Variants in CARS2 observed in about 807,000 individuals in gnomAD.
CARS2 encodes cysteinyl-tRNA synthetase 2, mitochondrial, also known as probable cysteine--tRNA ligase, mitochondrial.
A neutral mutation model predicts 68.8 loss-of-function variants in CARS2; 52 were observed. That is an observed-to-expected ratio of 0.76 (90% CI 0.61 to 0.95). CARS2 has a LOEUF of 0.95. Among genes scored for constraint, CARS2 ranks in the 40% least tolerant of loss-of-function variants. The pLI, the probability that CARS2 is intolerant of heterozygous loss-of-function variation, is 0.00. For synonymous variants in CARS2, 314 were observed against 303.6 expected (o/e 1.03, Z -0.36); for missense variants, 780 against 754.2 (o/e 1.03, Z -0.40).
chr13:110,706,152 G>T, upstream of CARS2: 1 of 1,209,694 alleles, frequency 8.3e-7, no homozygotes, highest in Non-Finnish European at 1.0e-6. Flanking sequence ...TACGCTGCCG[G>T]TCGCTCAAGA....
chr13:110,710,131 A>G (rs1329250415), upstream of CARS2, among the ~76,000 whole-genome samples: 2 of 152,234 alleles, frequency 1.3e-5, no homozygotes, highest in Non-Finnish European at 2.9e-5. Flanking sequence ...CTGTAATCCC[A>G]GCACTTTGGG....
intron 11 of CARS2, 173 bp downstream of exon 11, chr13:110,646,928 C>T (rs1211770882): frequency 1.6e-5 from 12 of 732,444 alleles, no homozygotes; most frequent in Admixed American, 3.0e-5. Context: ...CCCACACCTG[C>T]ACCTCCTGCC....
chr13:110,673,534 C>T (rs2062861194), intron 7 of CARS2, among the ~76,000 whole-genome samples: 1 of 152,190 alleles, frequency 6.6e-6, no homozygotes, highest in Non-Finnish European at 1.5e-5. Flanking sequence ...TAAAAAGTCT[C>T]AATAAACTAG....
At chr13:110,646,428 C>T (rs1888125799) in intron 11 of CARS2, 1 of 187,402 alleles carries the variant, frequency 5.3e-6, no homozygotes, top group African/African-American at 2.4e-5. Context: ...GCACGGCTGA[C>T]CACTCACAAA....
rs555165626 is a variant in CARS2 at position 110,665,541 on chromosome 13, G to A, written c.919+1799C>T. On this transcript the variant is annotated intron_variant, in intron 8 of 14. Transcript: ENST00000257347. This position sits in a 1 kb window ranked among gnomAD's most constrained non-coding sequence, Gnocchi z 4.3. ...CCTCCTCATTACCTGACAGGACGAA[G>A]CGTTGGCACAGCTAAGGCTGCCCTT... is the stretch of plus-strand genomic sequence containing the variant. 1.6e-5 allele frequency: 16 copies of A among 985,502 alleles called. No homozygotes were observed. In the South Asian group the frequency reaches 7.0e-4, roughly 43 times the overall value. The allele number at this position is 985,502 out of a possible 1,614,324, so 61.0% of individuals were successfully genotyped here.
chr13:110,681,548 G>C (rs1454003419), intron 6 of CARS2, among the ~76,000 whole-genome samples: 1 of 152,176 alleles, frequency 6.6e-6, no homozygotes, highest in Admixed American at 6.5e-5. Flanking sequence ...GGCAGTTTCT[G>C]ACACAAATAA....
intron 6 of CARS2, among the ~76,000 whole-genome samples, chr13:110,679,661 A>AGGGG (rs1566713004): frequency 2.7e-5 from 1 of 36,796 alleles, no homozygotes; most frequent in Non-Finnish European, 5.1e-5. Context: ...GGAGGGAGGG[A>AGGGG]GGGAGGGAGG....
At chr13:110,708,953 C>G (rs2064004616), upstream of CARS2, among the ~76,000 whole-genome samples, 1 of 152,002 alleles carries the variant, frequency 6.6e-6, no homozygotes, top group Admixed American at 6.6e-5. Context: ...GGGGTTTCAT[C>G]ATGTTGGCCA....
rs369072375 is a variant in CARS2, at chr13:110,669,803, T to C, written c.786-2330A>G. 9.2e-5 allele frequency among the ~76,000 whole-genome samples: 14 copies of C among 152,226 alleles called. No individual in the cohort carries two copies. The East Asian group carries it at 1.7e-3, about 19-fold the overall frequency. Reference sequence around the variant, plus strand: ...AGTGTGAGGGGTCGGGGAATTCCCTTTCCTAGCCAAGGGAAGCTGTGACAG... The same window carrying C: ...AGTGTGAGGGGTCGGGGAATTCCCTCTCCTAGCCAAGGGAAGCTGTGACAG... On this transcript the variant is annotated intron_variant, in intron 7 of 14. Coordinates refer to ENST00000257347, the MANE Select transcript of CARS2 (RefSeq NM_024537.4).
chr13:110,672,824 C>T (rs1261413288), intron 7 of CARS2, among the ~76,000 whole-genome samples: 1 of 152,038 alleles, frequency 6.6e-6, no homozygotes, highest in Non-Finnish European at 1.5e-5. Flanking sequence ...GCTAGCAAGA[C>T]TAATAAAGAA....
In CARS2 at chr13:110,668,064, C is replaced by A. The variant is rs544448292; in HGVS notation, c.786-591G>T. Among the ~76,000 whole-genome samples the A allele has an allele frequency of 2.0e-5, 3 of 152,352 alleles. No individual in the cohort carries two copies. Among genetic ancestry groups the A allele is most frequent in the Non-Finnish European group, 4.4e-5 (3 of 68,034 alleles). ...GACCAGCTGCAGAAGCATGGCGACG[C>A]AGCAGGCCGGTGGATTTTCTTAAAA... On this transcript the variant is annotated intron_variant, in intron 7 of 14. Transcript: ENST00000257347. This position sits in a 1 kb window ranked among gnomAD's most constrained non-coding sequence, Gnocchi z 4.1.
chr13:110,711,830 T>C (rs532924093), intron 1 of CARS2, among the ~76,000 whole-genome samples: 4 of 152,314 alleles, frequency 2.6e-5, no homozygotes, highest in South Asian at 2.1e-4. Flanking sequence ...CTCACATCCA[T>C]AGCACAAAAT....
intron 8 of CARS2, chr13:110,666,579 G>A: frequency 5.1e-6 from 5 of 985,392 alleles, no homozygotes; most frequent in Non-Finnish European, 6.0e-6. Context: ...AGAAACCCAA[G>A]TGAACTCTGC....
Position 110,667,537 on chromosome 13 carries a change from G to A in CARS2, c.786-64C>T, listed in dbSNP as rs9521884. The stretch of plus-strand genomic sequence containing the variant: ...AAGCAACATATTTTCTTCTAACCTC[G>A]TCTATTTATTCCTTCCAGCCTTTTT... On this transcript the variant is annotated intron_variant, in intron 7 of 14. Coordinates refer to ENST00000257347, the MANE Select transcript of CARS2 (RefSeq NM_024537.4). The A allele has an allele frequency of 0.61, 901,320 of 1,471,066 alleles. 280,975 individuals are homozygous for A. The highest frequency in any genetic ancestry group is 0.65 in the Non-Finnish European group (695,765 of 1,074,618). 91.1% of individuals were successfully genotyped at this position (1,471,066 alleles called of 1,614,324 possible).
At position 110,687,865 on chromosome 13, in the gene CARS2, A is replaced by C. The variant is rs375462965; in HGVS notation, c.466-39T>G. On this transcript the variant is annotated intron_variant, in intron 4 of 14. Transcript: ENST00000257347. ...GAGACGTGACCGTGTTTCCCTCGTG[A>C]GAAGCACAGGTCAGCCAGCACCAGC... is the stretch of plus-strand genomic sequence containing the variant. The C allele has an allele frequency of 3.2e-6, 5 of 1,562,254 alleles. No individual in the cohort carries two copies. The African/African-American group carries it at 5.4e-5, about 17-fold the overall frequency.
intron 9 of CARS2, among the ~76,000 whole-genome samples, chr13:110,654,942 G>GAAAAAAAAA (rs1555345847): frequency 1.0e-5 from 1 of 99,700 alleles, no homozygotes; most frequent in African/African-American, 5.0e-5. Context: ...AAAAGAAAAA[G>GAAAAAAAAA]AAAAAAAAAG....
At chr13:110,685,055 T>G (rs1439285925) in intron 5 of CARS2, among the ~76,000 whole-genome samples, 1 of 152,212 alleles carries the variant, frequency 6.6e-6, no homozygotes, top group Non-Finnish European at 1.5e-5. Flanking sequence ...CCCTAAAGAC[T>G]CGTGAACATT....
chr13:110,651,956 G>A (rs1353503667), intron 9 of CARS2, among the ~76,000 whole-genome samples: 8 of 152,206 alleles, frequency 5.3e-5, no homozygotes, highest in African/African-American at 1.4e-4. Context: ...GCCGAGCTCC[G>A]ACTGCACCCC....
Position 110,657,740 on chromosome 13 carries a change from T to C in CARS2, c.987+5711A>G, listed in dbSNP as rs568431050. The stretch of plus-strand genomic sequence containing the variant: ...GCCTCTAAAACCATAGGGTGGAAGC[T>C]TATTAGGAAACAAATTACCATGCAG... On this transcript the variant is annotated intron_variant, in intron 9 of 14. Coordinates refer to ENST00000257347, the MANE Select transcript of CARS2 (RefSeq NM_024537.4). Among the ~76,000 whole-genome samples the C allele has an allele frequency of 4.6e-5, 7 of 152,292 alleles. No individual in the cohort carries two copies. The South Asian group carries it at 1.2e-3, about 27-fold the overall frequency.
Sources: allele counts gnomAD v4.1 joint callset (sites outside exome capture counted in the v4.1 genomes callset), GRCh38; gene constraint gnomAD v4.1.1; non-coding constraint Gnocchi (gnomAD v3.1); transcripts MANE v1.5; gene names NCBI Gene and HGNC (gene_info 2026-07-23, HGNC 2026-07-21).